IL2RB: variants seen among roughly 807,000 people sequenced by gnomAD.
The protein encoded by IL2RB is interleukin-2 receptor subunit beta.
In IL2RB, 17 loss-of-function variants were observed where a neutral mutation model predicts 44.2. That is an observed-to-expected ratio of 0.38 (90% confidence interval 0.26 to 0.58). The LOEUF (loss-of-function observed/expected upper bound fraction) is 0.58, where lower values mean the gene tolerates loss of function less well. IL2RB is among the 20% of genes least tolerant of loss of function. The pLI, the probability that IL2RB is intolerant of heterozygous loss-of-function variation, is 0.63. For synonymous variants in IL2RB, 286 were observed against 297.9 expected (o/e 0.96, Z 0.41); for missense variants, 624 against 685.5 (o/e 0.91, Z 1.00).
intron 2 of IL2RB, 75 bp downstream of exon 2, chr22:37,144,010 G>T: frequency 6.5e-7 from 1 of 1,545,708 alleles, no homozygotes; most frequent in South Asian, 1.2e-5. Flanking sequence ...ATCCCCTTCT[G>T]GGAAGAGGCT....
chr22:37,157,074 G>T (rs1331876537), intron 1 of IL2RB, among the ~76,000 whole-genome samples: 2 of 148,316 alleles, frequency 1.3e-5, no homozygotes, highest in Non-Finnish European at 2.9e-5. Flanking sequence ...ACATAATTTG[G>T]TGTCTGACCC....
chr22:37,170,809 C>T, intron 1 of IL2RB, among the ~76,000 whole-genome samples: 1 of 152,336 alleles, frequency 6.6e-6, no homozygotes, highest in Middle Eastern at 3.4e-3. Context: ...AGAGATGAAG[C>T]AATCTCAAAG....
Position 37,136,309 on chromosome 22 carries a change from C to T in IL2RB, c.622G>A (p.Val208Met), listed in dbSNP as rs1452532592. Reference sequence around the variant, plus strand: ...TCGCCTTGCAGAGGCTTGACCCGCACCTGAAACTCATACTGGGTGTCTGGG... The same window carrying T: ...TCGCCTTGCAGAGGCTTGACCCGCATCTGAAACTCATACTGGGTGTCTGGG... ...LTPDTQYEFQ[V>M]RVKPLQGEFT... The change falls in exon 7 of 10, where the codon GTG (valine) becomes ATG (methionine). Residue 208 changes from valine (V) to methionine (M), a missense_variant. Physicochemically the swap from Val to Met is conservative, Grantham distance 21. Around this residue, in one of 3 missense-constraint regions of IL2RB, gnomAD observed 255 missense variants for 339.9 expected, o/e 0.75. Coordinates refer to ENST00000216223, the MANE Select transcript of IL2RB (RefSeq NM_000878.5). The T allele has an allele frequency of 6.2e-7, 1 of 1,613,238 alleles. No homozygotes were observed. The highest frequency in any genetic ancestry group is 2.2e-5 in the East Asian group (1 of 44,854).
At chr22:37,135,259 C>A in intron 8 of IL2RB, 69 bp downstream of exon 8, 1 of 929,402 alleles carries the variant, frequency 1.1e-6, no homozygotes, top group Non-Finnish European at 1.8e-6. Context: ...CGTGTGTGTG[C>A]ATGTGTGTGC....
At chr22:37,130,212 G>A (rs900219352) in intron 9 of IL2RB, among the ~76,000 whole-genome samples, 5 of 152,220 alleles carry the variant, frequency 3.3e-5, no homozygotes, top group African/African-American at 9.6e-5. Flanking sequence ...AGCACTGGTC[G>A]GGTGAGATTC....
rs773942173 is a variant in IL2RB, at chr22:37,128,547, C to A, written c.1205G>T (p.Gly402Val). 4 of 1,613,614 alleles carry A rather than the reference C, an allele frequency of 2.5e-6. No homozygotes were observed. Among genetic ancestry groups the A allele is most frequent in the Non-Finnish European group, 2.5e-6 (3 of 1,179,776 alleles). The change falls in exon 10 of 10, where the codon GGG becomes GTG. Residue 402 changes from glycine to valine, a missense_variant. By Grantham distance (109) the Gly-to-Val change is moderately radical. This residue lies in a region of IL2RB where 291 missense variants were observed against 275.5 expected (regional missense o/e 1.06). Transcript: ENST00000216223. The surrounding 1 kb of genome is among the most constrained non-coding windows in gnomAD (Gnocchi z 4.5). The stretch of plus-strand genomic sequence containing the variant: ...AGGCTGCAGGGGTTGGGGGGAAGAC[C>A]CTGTGGGTGCCCCGGCCACACCCTC... Reference protein sequence around the residue: ...PDEGVAGAPTGSSPQPLQPLS... With the variant: ...PDEGVAGAPTVSSPQPLQPLS...
chr22:37,151,116 G>C (rs1177282661), upstream of IL2RB, among the ~76,000 whole-genome samples: 1 of 152,178 alleles, frequency 6.6e-6, no homozygotes, highest in Admixed American at 6.5e-5. Context: ...GGATCATATA[G>C]TAGTTCTATT....
At chr22:37,132,833 G>A (rs969938632) in intron 8 of IL2RB, among the ~76,000 whole-genome samples, 8 of 152,226 alleles carry the variant, frequency 5.3e-5, no homozygotes, top group African/African-American at 1.9e-4. Context: ...GACGGAGATG[G>A]CTAGAAGAAG....
chr22:37,162,401 A>C (rs1922912913), intron 1 of IL2RB, among the ~76,000 whole-genome samples: 1 of 152,188 alleles, frequency 6.6e-6, no homozygotes, highest in Non-Finnish European at 1.5e-5. Flanking sequence ...CCCTGAGCTC[A>C]CAGCCCACCG....
At chr22:37,165,447 G>A (rs376531976) in intron 1 of IL2RB, among the ~76,000 whole-genome samples, 5 of 152,166 alleles carry the variant, frequency 3.3e-5, no homozygotes, top group East Asian at 1.9e-4. Context: ...AGCATGGAGC[G>A]TTTGTCAAGC....
intron 3 of IL2RB, 124 bp from the exon 4 acceptor site, chr22:37,142,636 T>C: frequency 3.3e-6 from 3 of 899,914 alleles, no homozygotes; most frequent in Non-Finnish European, 5.5e-6. Flanking sequence ...CTGGGGCCCC[T>C]GTGCCAACCA....
chr22:37,151,783 A>G (rs770672493), upstream of IL2RB, among the ~76,000 whole-genome samples: 29 of 152,202 alleles, frequency 1.9e-4, no homozygotes, highest in Non-Finnish European at 3.8e-4. Context: ...GCATATGGAT[A>G]TCCAGTTTTC....
intron 1 of IL2RB, among the ~76,000 whole-genome samples, chr22:37,172,015 A>T (rs1249309352): frequency 2.0e-5 from 3 of 151,670 alleles, no homozygotes; most frequent in Admixed American, 1.3e-4. Context: ...CCGCAAGGGG[A>T]TCTGACCTGT....
intron 7 of IL2RB, 130 bp downstream of exon 7, chr22:37,136,098 G>T: frequency 1.0e-6 from 1 of 1,001,770 alleles, no homozygotes; most frequent in Non-Finnish European, 1.4e-6. Context: ...GCCCCCTGCA[G>T]GGTTACAGCA....
chr22:37,142,336 C>T, intron 4 of IL2RB, 98 bp downstream of exon 4: 2 of 1,144,848 alleles, frequency 1.7e-6, no homozygotes. Context: ...GCCATTGGGC[C>T]TCAGCTCTTC....
At chr22:37,132,596 C>T (rs1390089749) in intron 8 of IL2RB, 128 bp from the exon 9 acceptor site, 3 of 664,436 alleles carry the variant, frequency 4.5e-6, no homozygotes, top group Middle Eastern at 3.7e-4. Flanking sequence ...TTTCTTCCGC[C>T]GATACTAAGT....
At chr22:37,172,215 TAAAAAAA>T (rs63579164) in intron 1 of IL2RB, among the ~76,000 whole-genome samples, 1 of 104,512 alleles carries the variant, frequency 9.6e-6, no homozygotes, top group Non-Finnish European at 2.2e-5. Flanking sequence ...AAAGGTAAAG[TAAAAAAA>T]AAAAAAAAAA....
chr22:37,160,383 A>G (rs1922816845), intron 1 of IL2RB, among the ~76,000 whole-genome samples: 1 of 152,180 alleles, frequency 6.6e-6, no homozygotes, highest in African/African-American at 2.4e-5. Context: ...CATGATCACT[A>G]AGGAAGCCTA....
At chr22:37,157,141 A>T (rs1922707712) in intron 1 of IL2RB, among the ~76,000 whole-genome samples, 2 of 150,312 alleles carry the variant, frequency 1.3e-5, no homozygotes, top group African/African-American at 5.0e-5. Flanking sequence ...AGGATCACAA[A>T]GCTGCAGGGG....
Sources: gnomAD v4.1 joint callset for allele counts (sites outside exome capture counted in the v4.1 genomes callset) on GRCh38, gnomAD v4.1.1 for gene constraint, gnomAD v4.1.1 regional missense constraint, Gnocchi (gnomAD v3.1) non-coding constraint, MANE v1.5 for transcripts, NCBI Gene and HGNC (gene_info 2026-07-23, HGNC 2026-07-21) for gene names.